C2orf74: variants seen among roughly 807,000 people sequenced by gnomAD.
C2orf74 encodes the protein uncharacterized protein C2orf74.
A neutral mutation model predicts 17.9 loss-of-function variants in C2orf74; 14 were observed. The ratio of observed to expected loss-of-function variants is 0.78; its 90% CI spans 0.52 to 1.22. The LOEUF (loss-of-function observed/expected upper bound fraction) is 1.22, where lower values mean the gene tolerates loss of function less well. C2orf74 is among the 50% of genes most tolerant of loss of function. C2orf74 has a pLI of 0.00. For synonymous variants in C2orf74, 79 were observed against 72.6 expected (o/e 1.09, Z -0.44); for missense variants, 217 against 218.4 (o/e 0.99, Z 0.04).
chr2:61,153,473 T>A lies in C2orf74; in HGVS notation c.-122+8277T>A, dbSNP rs867283160. 3.3e-5 allele frequency among the ~76,000 whole-genome samples: 5 copies of A among 151,530 alleles called. No individual in the cohort carries two copies. In the South Asian group the frequency reaches 8.3e-4, roughly 25 times the overall value. On this transcript the variant is annotated intron_variant, in intron 1 of 3. Coordinates refer to the C2orf74 transcript ENST00000426997. ...TTTTTTTTGTATTTTTAGTAGAGACTGGGTTTCACCATGTTAGCCAGGGTG... is the reference window on the plus strand; with the variant it reads ...TTTTTTTTGTATTTTTAGTAGAGACAGGGTTTCACCATGTTAGCCAGGGTG...
At chr2:61,152,880 GC>G (rs1376547041) in intron 1 of C2orf74, among the ~76,000 whole-genome samples, 8 of 148,324 alleles carry the variant, frequency 5.4e-5, no homozygotes, top group African/African-American at 2.0e-4. Flanking sequence ...AGCCAGGCGC[GC>G]GCGGTGGCTC....
chr2:61,154,322 A>G (rs990874991), intron 1 of C2orf74, among the ~76,000 whole-genome samples: 5 of 152,178 alleles, frequency 3.3e-5, no homozygotes, highest in African/African-American at 1.2e-4. Flanking sequence ...GTGCTTTACA[A>G]AGCTGTCAAG....
intron 1 of C2orf74, among the ~76,000 whole-genome samples, chr2:61,149,735 C>T (rs749384244): frequency 1.8e-4 from 27 of 151,948 alleles, no homozygotes; most frequent in African/African-American, 5.3e-4. Flanking sequence ...TGCACCACCA[C>T]GCCTGACTAA....
intron 4 of C2orf74, among the ~76,000 whole-genome samples, chr2:61,163,458 G>C (rs6716365): frequency 6.6e-6 from 1 of 151,904 alleles, no homozygotes; most frequent in Non-Finnish European, 1.5e-5. Flanking sequence ...ACAAAAATTA[G>C]CTGGGCGTGG....
intron 1 of C2orf74, among the ~76,000 whole-genome samples, chr2:61,149,493 AAGGT>A (rs2105013965): frequency 6.6e-6 from 1 of 151,876 alleles, no homozygotes; most frequent in South Asian, 2.1e-4. Flanking sequence ...GTCCTGGTCC[AAGGT>A]AGAGAGTGTG....
intron 1 of C2orf74, among the ~76,000 whole-genome samples, chr2:61,149,920 C>T (rs1263513579): frequency 6.6e-6 from 1 of 152,080 alleles, no homozygotes; most frequent in African/African-American, 2.4e-5. Context: ...AGAGGCATCT[C>T]AAAGGTAATT....
intron 4 of C2orf74, 21 bp from the exon 5 acceptor site, chr2:61,164,333 G>T (rs1179567072): frequency 6.6e-7 from 1 of 1,506,428 alleles, no homozygotes; most frequent in Non-Finnish European, 8.9e-7. Flanking sequence ...TGTTTATATT[G>T]TTTGTCCCAT....
chr2:61,149,359 G>A (rs1438087779), intron 1 of C2orf74, among the ~76,000 whole-genome samples: 1 of 152,088 alleles, frequency 6.6e-6, no homozygotes, highest in Non-Finnish European at 1.5e-5. Context: ...AAGGCCTCCT[G>A]CAGACCTTCG....
chr2:61,155,755 C>G (rs765333474), intron 1 of C2orf74, among the ~76,000 whole-genome samples: 3 of 152,106 alleles, frequency 2.0e-5, no homozygotes, highest in African/African-American at 7.2e-5. Flanking sequence ...CTCCTAACCA[C>G]GTTATCCACC....
chr2:61,145,596 A>G (rs1685045956), intron 1 of C2orf74, among the ~76,000 whole-genome samples: 1 of 151,752 alleles, frequency 6.6e-6, no homozygotes, highest in Admixed American at 6.6e-5. Context: ...GCTAATTTTT[A>G]TATTTTTAGT....
chr2:61,148,966 CTG>C (rs1217402940), intron 1 of C2orf74, among the ~76,000 whole-genome samples: 1 of 152,162 alleles, frequency 6.6e-6, no homozygotes, highest in Non-Finnish European at 1.5e-5. Context: ...TGGGAAAACT[CTG>C]TATCTTCTGC....
rs555453068 is a variant in C2orf74, at chr2:61,149,821, C to T, written c.-122+4625C>T. 5.9e-5 allele frequency among the ~76,000 whole-genome samples: 9 copies of T among 152,118 alleles called. No individual in the cohort carries two copies. The South Asian group carries it at 8.3e-4, about 14-fold the overall frequency. On this transcript the variant is annotated intron_variant, in intron 1 of 3. Transcript: ENST00000426997. ...CTCGAACTCCTGACCTCAGGCGATC[C>T]GCCTGCCTTGGCCTCCCAAAGTGCT...
upstream of C2orf74, among the ~76,000 whole-genome samples, chr2:61,160,560 G>T (rs1685535600): frequency 6.6e-6 from 1 of 151,556 alleles, no homozygotes; most frequent in African/African-American, 2.4e-5. Context: ...CCAGGCTGGA[G>T]TGCAATGGCA....
At chr2:61,150,371 T>C (rs1368242524) in intron 1 of C2orf74, among the ~76,000 whole-genome samples, 2 of 152,132 alleles carry the variant, frequency 1.3e-5, no homozygotes, top group Non-Finnish European at 2.9e-5. Flanking sequence ...CTGTATAAAC[T>C]CCCCTTCATG....
intron 1 of C2orf74, among the ~76,000 whole-genome samples, chr2:61,157,059 G>T (rs1685412932): frequency 1.3e-5 from 2 of 152,166 alleles, no homozygotes; most frequent in Admixed American, 1.3e-4. Flanking sequence ...GATTTGAGAT[G>T]AAGTCTCACT....
intron 1 of C2orf74, among the ~76,000 whole-genome samples, chr2:61,146,857 A>C (rs1191006298): frequency 2.0e-5 from 3 of 151,760 alleles, no homozygotes; most frequent in Non-Finnish European, 4.4e-5. Context: ...AACAAAAAAC[A>C]AAAAAACTGG....
At chr2:61,151,814 T>G (rs1685235716) in intron 1 of C2orf74, 1 of 152,188 alleles carries the variant, frequency 6.6e-6, no homozygotes. Flanking sequence ...TAGAAGAGAT[T>G]TACTACTATA....
At chr2:61,149,250 G>C (rs1685153773) in intron 1 of C2orf74, among the ~76,000 whole-genome samples, 1 of 152,162 alleles carries the variant, frequency 6.6e-6, no homozygotes, top group East Asian at 1.9e-4. Flanking sequence ...AGTGAGTGTG[G>C]TTTTCTCCAG....
At position 61,164,559 on chromosome 2, in the gene C2orf74, G is replaced by C; in HGVS notation, c.*32G>C. 6.9e-7 allele frequency: 1 copy of C among 1,451,868 alleles called. No individual in the cohort carries two copies. Among genetic ancestry groups the C allele is most frequent in the Non-Finnish European group, 9.1e-7 (1 of 1,096,922 alleles). The allele number at this position is 1,451,868 out of a possible 1,614,324, so 89.9% of individuals were successfully genotyped here. A position where few individuals can be genotyped will look rare whatever the true frequency, so the allele number is the denominator to read the frequency against. On this transcript the variant is annotated 3_prime_UTR_variant, in exon 5 of 5. Transcript: ENST00000432605. ...AAAAAGGGTAAGAGTGAAAGAAAAT[G>C]TAACGTTTGACTAACGTTGAAAGAC...
Sources: gnomAD v4.1 joint callset for allele counts (sites outside exome capture counted in the v4.1 genomes callset) on GRCh38, gnomAD v4.1.1 for gene constraint, MANE v1.5 for transcripts, NCBI Gene and HGNC (gene_info 2026-07-23, HGNC 2026-07-21) for gene names.